PARP4: variants seen among roughly 807,000 people sequenced by gnomAD.
PARP4 encodes poly(ADP-ribose) polymerase family member 4.
A neutral mutation model predicts 187.7 loss-of-function variants in PARP4; 120 were observed. The ratio of observed to expected loss-of-function variants is 0.64; its 90% CI spans 0.55 to 0.74. The LOEUF is 0.74. Among genes scored for constraint, PARP4 ranks in the 30% least tolerant of loss-of-function variants. The pLI is 0.00. For missense variants in PARP4, 1,836 were observed against 2,070.5 expected (o/e 0.89, Z 2.20); for synonymous variants, 654 against 740.9 (o/e 0.88, Z 1.90).
In PARP4 at chr13:24,435,110, T is replaced by TA; in HGVS notation, c.4030dup (p.Tyr1344LeufsTer6). On this transcript the variant is annotated frameshift_variant, in exon 31 of 34. Transcript: ENST00000381989. LOFTEE classifies it high-confidence loss of function. ...TGAACCGAAACTAGCTACCTGACGA[T>TA]ATGAGGCAAAAGACAAGGAAGCAGG... is the stretch of plus-strand genomic sequence containing the variant. The TA allele has an allele frequency of 2.5e-6, 4 of 1,614,112 alleles. No homozygotes were observed. The highest frequency in any genetic ancestry group is 3.4e-6 in the Non-Finnish European group (4 of 1,180,018).
intron 31 of PARP4, among the ~76,000 whole-genome samples, chr13:24,433,300 C>T (rs756947991): frequency 1.3e-5 from 2 of 152,138 alleles, no homozygotes; most frequent in Non-Finnish European, 2.9e-5. Flanking sequence ...CAATAAATAC[C>T]GTGGGCTCCC....
chr13:24,435,267 A>G lies in PARP4; in HGVS notation c.3874T>C (p.Ser1292Pro). 1 of 1,613,428 alleles carries G rather than the reference A, an allele frequency of 6.2e-7. No homozygotes were observed. Among genetic ancestry groups the G allele is most frequent in the Non-Finnish European group, 8.5e-7 (1 of 1,179,950 alleles). Residue 1292 changes from serine to proline, a missense_variant, in exon 31 of 34, where the codon TCA (serine) becomes CCA (proline). Physicochemically the swap from Ser to Pro is moderately conservative, Grantham distance 74. Coordinates refer to ENST00000381989, the MANE Select transcript of PARP4 (RefSeq NM_006437.4). ...GGTTCAGTTGCTGTTGGTTTACATG[A>G]CTCTGTCCAACTTAAATCCAATAGC... The part of the protein sequence containing the change: ...EKLLDLSWTE[S>P]CKPTATEPLF...
At chr13:24,454,116 T>G (rs1413982739) in intron 22 of PARP4, among the ~76,000 whole-genome samples, 1 of 151,252 alleles carries the variant, frequency 6.6e-6, no homozygotes, top group African/African-American at 2.4e-5. Context: ...AAAAAAAAAT[T>G]CACCACACTA....
At chr13:24,424,263 C>T (rs1869904632) in intron 33 of PARP4, among the ~76,000 whole-genome samples, 1 of 152,016 alleles carries the variant, frequency 6.6e-6, no homozygotes, top group South Asian at 2.1e-4. Flanking sequence ...TTTTTAAATG[C>T]AGTGGGTTTT....
At chr13:24,457,770 C>CAAAAAAAAAAAAAAAAAAAAA (rs33930012) in intron 20 of PARP4, among the ~76,000 whole-genome samples, 25 of 85,654 alleles carry the variant, frequency 2.9e-4, no homozygotes, top group African/African-American at 6.0e-4. Context: ...GACTCTGTCT[C>CAAAAAAAAAAAAAAAAAAAAA]AAAAAAAAAA....
intron 32 of PARP4, among the ~76,000 whole-genome samples, chr13:24,426,817 G>A (rs1479519727): frequency 4.0e-5 from 6 of 148,792 alleles, no homozygotes; most frequent in African/African-American, 7.4e-5. Context: ...GCGTGAACCC[G>A]GGAGGCGGAG....
At chr13:24,500,682 C>G (rs1009355597) in intron 3 of PARP4, among the ~76,000 whole-genome samples, 7 of 152,152 alleles carry the variant, frequency 4.6e-5, no homozygotes, top group African/African-American at 2.4e-5. Flanking sequence ...ACAAAGTGCA[C>G]AGGATCAGAA....
chr13:24,477,648 T>C (rs1873053577), intron 14 of PARP4, 53 bp downstream of exon 14: 2 of 944,510 alleles, frequency 2.1e-6, no homozygotes, highest in Non-Finnish European at 1.7e-6. Flanking sequence ...AATATAACAT[T>C]TGAGGTCTAT....
chr13:24,511,124 G>A (rs977728420), intron 1 of PARP4, among the ~76,000 whole-genome samples: 1 of 152,154 alleles, frequency 6.6e-6, no homozygotes, highest in Admixed American at 6.5e-5. Context: ...TCTGCGGTCT[G>A]TTCTTAGCAC....
chr13:24,489,596 G>A (rs750726456), intron 10 of PARP4, among the ~76,000 whole-genome samples: 16 of 152,098 alleles, frequency 1.1e-4, no homozygotes, highest in Non-Finnish European at 1.8e-4. Flanking sequence ...GCGACAGAGC[G>A]AGACTCCGTC....
At chr13:24,431,100 T>C (rs1015778429) in intron 32 of PARP4, among the ~76,000 whole-genome samples, 1 of 152,206 alleles carries the variant, frequency 6.6e-6, no homozygotes, top group Non-Finnish European at 1.5e-5. Flanking sequence ...AAAAAAGTAA[T>C]CTTTGATTAC....
chr13:24,452,685 A>C (rs953895839), intron 23 of PARP4, 92 bp from the exon 24 acceptor site: 11 of 924,662 alleles, frequency 1.2e-5, no homozygotes, highest in Non-Finnish European at 1.5e-5. Flanking sequence ...CAGTGTAGGG[A>C]TATGGTGACA....
chr13:24,432,490 GA>G (rs1870392281), intron 31 of PARP4, among the ~76,000 whole-genome samples: 1 of 152,156 alleles, frequency 6.6e-6, no homozygotes, highest in Admixed American at 6.5e-5. Flanking sequence ...TCAATGCCAT[GA>G]ACTTAGCCAC....
At position 24,447,111 on chromosome 13, in the gene PARP4, C is replaced by G. The variant is rs140105951; in HGVS notation, c.3190G>C (p.Asp1064His). ...VSVKWQQLNPDVPEALQAPAQ... is the reference protein window; with the variant it reads ...VSVKWQQLNPHVPEALQAPAQ... ...GGGGCCTGCAGGGCCTCGGGCACAT[C>G]TGGATTGAGTTGCTGCCATTTGACG... is the stretch of plus-strand genomic sequence containing the variant. The change falls in exon 26 of 34, where the codon GAT becomes CAT. Residue 1064 changes from aspartate to histidine, a missense_variant. Around this residue, in one of 8 missense-constraint regions of PARP4, gnomAD observed 56 missense variants for 103.7 expected, o/e 0.54. Transcript: ENST00000381989. 1.2e-6 allele frequency: 2 copies of G among 1,613,390 alleles called. No individual in the cohort carries two copies. The highest frequency in any genetic ancestry group is 1.7e-6 in the Non-Finnish European group (2 of 1,179,570).
At chr13:24,510,985 A>G (rs1056174904) in intron 1 of PARP4, among the ~76,000 whole-genome samples, 6 of 151,992 alleles carry the variant, frequency 3.9e-5, no homozygotes, top group Admixed American at 1.3e-4. Context: ...CAGGGTTCTT[A>G]CTATGTTGCC....
chr13:24,510,279 G>C (rs149261714), intron 1 of PARP4, among the ~76,000 whole-genome samples: 2,159 of 152,176 alleles, frequency 0.014, 52 homozygotes, highest in African/African-American at 0.048. Flanking sequence ...TATTGGCCGG[G>C]CGCGGTGGCT....
At chr13:24,443,216 C>A (rs1199220294) in intron 28 of PARP4, among the ~76,000 whole-genome samples, 2 of 145,466 alleles carry the variant, frequency 1.4e-5, no homozygotes, top group African/African-American at 5.2e-5. Flanking sequence ...GGCTGAGGAG[C>A]CCCTCTGCTG....
At chr13:24,480,509 T>A (rs531514368) in intron 12 of PARP4, among the ~76,000 whole-genome samples, 1 of 152,350 alleles carries the variant, frequency 6.6e-6, no homozygotes, top group East Asian at 1.9e-4. Flanking sequence ...CTTGTGGCAG[T>A]TATCCAAGTG....
At chr13:24,509,161 A>G (rs768877955) in intron 1 of PARP4, among the ~76,000 whole-genome samples, 5 of 152,214 alleles carry the variant, frequency 3.3e-5, no homozygotes, top group Non-Finnish European at 7.3e-5. Flanking sequence ...AATGATGGAA[A>G]TGCTCAAAAC....
Sources: gnomAD v4.1 joint callset for allele counts (sites outside exome capture counted in the v4.1 genomes callset) on GRCh38, gnomAD v4.1.1 for gene constraint, gnomAD v4.1.1 regional missense constraint, MANE v1.5 for transcripts, NCBI Gene and HGNC (gene_info 2026-07-23, HGNC 2026-07-21) for gene names.